CDKL4: variants seen among roughly 807,000 people sequenced by gnomAD.
CDKL4 encodes the protein cyclin dependent kinase like 4, also known as cyclin-dependent kinase-like 4.
In CDKL4, 44 loss-of-function variants were observed where a neutral mutation model predicts 42.0. That is an observed-to-expected ratio of 1.05 (90% CI 0.82 to 1.35). CDKL4 has a LOEUF of 1.35. Among genes scored for constraint, CDKL4 ranks in the 40% most tolerant of loss-of-function variants. The pLI is 0.00. For synonymous variants in CDKL4, 120 were observed against 121.6 expected, an observed-to-expected ratio of 0.99 and a Z score of 0.09; for missense variants, 393 against 369.9, an observed-to-expected ratio of 1.06 and a Z score of -0.51.
At chr2:39,228,332 TC>T (rs1284964852) in intron 2 of CDKL4, among the ~76,000 whole-genome samples, 1 of 152,142 alleles carries the variant, frequency 6.6e-6, no homozygotes, top group Non-Finnish European at 1.5e-5. Flanking sequence ...ATGGATGTGT[TC>T]CTGAAGACTG....
chr2:39,172,955 C>CT (rs1331161576), downstream of CDKL4, among the ~76,000 whole-genome samples: 1 of 152,150 alleles, frequency 6.6e-6, no homozygotes, highest in Admixed American at 6.5e-5. Context: ...CTCCTGTCCC[C>CT]TCCCCAGTGA....
chr2:39,195,584 C>G (rs1676459259), intron 5 of CDKL4, among the ~76,000 whole-genome samples: 1 of 150,356 alleles, frequency 6.7e-6, no homozygotes, highest in South Asian at 2.1e-4. Context: ...CTTTCATGTG[C>G]TTATTGGCCA....
At chr2:39,217,783 G>C (rs1335235642) in intron 3 of CDKL4, among the ~76,000 whole-genome samples, 4 of 151,802 alleles carry the variant, frequency 2.6e-5, no homozygotes, top group African/African-American at 9.7e-5. Flanking sequence ...GCCCAGGCTG[G>C]AGTGCAATGG....
chr2:39,228,623 C>T (rs1362551336), intron 2 of CDKL4, among the ~76,000 whole-genome samples: 1 of 152,118 alleles, frequency 6.6e-6, no homozygotes, highest in Admixed American at 6.6e-5. Flanking sequence ...AATCTCGGGC[C>T]CACCCCAGAC....
intron 4 of CDKL4, among the ~76,000 whole-genome samples, chr2:39,207,922 T>C (rs545519860): frequency 3.9e-5 from 6 of 152,070 alleles, no homozygotes; most frequent in South Asian, 4.2e-4. Context: ...GCCAACATGG[T>C]GAAACCCTGT....
chr2:39,179,470 C>T (rs928999262), intron 8 of CDKL4, 149 bp from the exon 9 acceptor site: 43 of 584,904 alleles, frequency 7.4e-5, no homozygotes, highest in Non-Finnish European at 1.1e-4. Flanking sequence ...TTGCTAATAG[C>T]TAGGATTGCT....
rs34819676 is a variant in CDKL4, at chr2:39,179,251, G to T, written c.863C>A (p.Ser288Tyr). 1.6e-3 allele frequency: 2,593 copies of T among 1,613,550 alleles called. 39 individuals are homozygous for T. The African/African-American group carries it at 0.03, about 19-fold the overall frequency. ...TCTTTTAATTTGGGCCTCTTGAAAA[G>T]AATCAAAGTAGGAGCTCTCCAGGAG... Residue 288 changes from serine (S) to tyrosine (Y), a missense_variant, in exon 9 of 10, where the codon TCT becomes TAT. Physicochemically the swap from Ser to Tyr is moderately radical, Grantham distance 144. Transcript: ENST00000451199.
At chr2:39,179,445 T>C (rs1675313660) in intron 8 of CDKL4, 124 bp from the exon 9 acceptor site, 8 of 746,900 alleles carry the variant, frequency 1.1e-5, no homozygotes, top group Non-Finnish European at 1.6e-5. Context: ...TTGTGTATTA[T>C]CAAGTAGTTG....
chr2:39,201,847 G>A (rs114547211), intron 5 of CDKL4, among the ~76,000 whole-genome samples: 5 of 152,248 alleles, frequency 3.3e-5, no homozygotes, highest in South Asian at 2.1e-4. Context: ...AGGGTCGGGC[G>A]GCGGGTGAGG....
chr2:39,232,822 G>A (rs1202210862), intron 1 of CDKL4, among the ~76,000 whole-genome samples: 1 of 152,004 alleles, frequency 6.6e-6, no homozygotes, highest in Non-Finnish European at 1.5e-5. Flanking sequence ...GAGGCGGGCG[G>A]ATCACGAGGT....
At chr2:39,176,006 G>T in exon 10 of CDKL4, 1 of 470,734 alleles carries the variant, frequency 2.1e-6, no homozygotes, top group Non-Finnish European at 4.4e-6. Flanking sequence ...TAAATGTTTG[G>T]AAGGTGATCA....
At chr2:39,173,850 G>C (rs113132952), downstream of CDKL4, among the ~76,000 whole-genome samples, 1 of 150,088 alleles carries the variant, frequency 6.7e-6, no homozygotes, top group Non-Finnish European at 1.5e-5. Context: ...GGGCATGGTG[G>C]CATGTCCCTG....
intron 3 of CDKL4, among the ~76,000 whole-genome samples, chr2:39,223,799 T>C (rs1466033421): frequency 6.6e-6 from 1 of 152,084 alleles, no homozygotes; most frequent in African/African-American, 2.4e-5. Flanking sequence ...GGTTTCACCA[T>C]GTTGGCCAGG....
chr2:39,185,186 A>C (rs1321730734), intron 7 of CDKL4, among the ~76,000 whole-genome samples: 2 of 102,414 alleles, frequency 2.0e-5, no homozygotes, highest in African/African-American at 7.7e-5. Context: ...ACATATGTGT[A>C]TATACATATA....
chr2:39,180,645 C>T (rs899908155), intron 8 of CDKL4, among the ~76,000 whole-genome samples: 18 of 151,520 alleles, frequency 1.2e-4, no homozygotes, highest in African/African-American at 3.9e-4. Context: ...ACATTCTCCT[C>T]AAATCCTAGT....
At chr2:39,225,699 C>A in intron 3 of CDKL4, 140 bp downstream of exon 3, 1 of 752,888 alleles carries the variant, frequency 1.3e-6, no homozygotes, top group Non-Finnish European at 2.0e-6. Flanking sequence ...TTGAAGACAT[C>A]CTGAGACTGG....
intron 1 of CDKL4, among the ~76,000 whole-genome samples, chr2:39,239,983 G>C (rs1467792807): frequency 6.6e-6 from 1 of 152,016 alleles, no homozygotes; most frequent in Non-Finnish European, 1.5e-5. Flanking sequence ...CCAGCTACTT[G>C]GGAGGCTGAG....
At chr2:39,230,066 A>AG (rs1679003211) in intron 1 of CDKL4, among the ~76,000 whole-genome samples, 1 of 152,238 alleles carries the variant, frequency 6.6e-6, no homozygotes, top group Non-Finnish European at 1.5e-5. Context: ...AGCGTGGGCC[A>AG]TTGAACAAAG....
intron 2 of CDKL4, among the ~76,000 whole-genome samples, chr2:39,228,050 C>A (rs1678864487): frequency 6.6e-6 from 1 of 152,184 alleles, no homozygotes; most frequent in Non-Finnish European, 1.5e-5. Flanking sequence ...TCATCAGAGA[C>A]CAAGCTGAGT....
Sources: allele counts gnomAD v4.1 joint callset (sites outside exome capture counted in the v4.1 genomes callset), GRCh38; gene constraint gnomAD v4.1.1; transcripts MANE v1.5; gene names NCBI Gene and HGNC (gene_info 2026-07-23, HGNC 2026-07-21).